The following PRIM2 variants were observed in gnomAD, a reference collection of about 807,000 sequenced individuals.
PRIM2 encodes the protein DNA primase large subunit.
Under a neutral mutation model 67.3 loss-of-function variants are expected in PRIM2, and 39 were observed. The observed-to-expected ratio is 0.58, with a 90% confidence interval of 0.45 to 0.76. The LOEUF is 0.76. Ranked by LOEUF, PRIM2 falls within the 30% of genes least tolerant of loss-of-function variation. The pLI is 0.00. For synonymous variants in PRIM2, 143 were observed against 198.7 expected, an observed-to-expected ratio of 0.72 and a Z score of 2.36; for missense variants, 398 against 598.7, an observed-to-expected ratio of 0.66 and a Z score of 3.50.
At chr6:57,269,723 G>A in the PRIM2 span, among the ~76,000 whole-genome samples, 1 of 152,068 alleles carries the variant, frequency 6.6e-6, no homozygotes, top group African/African-American at 2.4e-5. Flanking sequence ...TGTCCTGAAT[G>A]GTATTGCCTA....
chr6:57,436,236 A>G (rs889121449), intron 7 of PRIM2, among the ~76,000 whole-genome samples: 1 of 152,158 alleles, frequency 6.6e-6, no homozygotes, highest in Non-Finnish European at 1.5e-5. Context: ...ATTTTTAAAA[A>G]CCACTGGGAC....
chr6:57,247,178 T>A, the PRIM2 span, among the ~76,000 whole-genome samples: 1 of 152,184 alleles, frequency 6.6e-6, no homozygotes, highest in African/African-American at 2.4e-5. Flanking sequence ...CTTGATTGCC[T>A]GCACCTAGAG....
At chr6:57,281,143 C>T in the PRIM2 span, among the ~76,000 whole-genome samples, 2 of 152,120 alleles carry the variant, frequency 1.3e-5, no homozygotes, top group African/African-American at 4.8e-5. Flanking sequence ...GATTTCATTC[C>T]TTTCTGTGAC....
At chr6:57,401,539 C>T (rs1427465722) in intron 7 of PRIM2, among the ~76,000 whole-genome samples, 1 of 152,172 alleles carries the variant, frequency 6.6e-6, no homozygotes. Context: ...GTCCTCTCCC[C>T]TTTGAGTGCT....
chr6:57,437,750 C>T (rs7757264), intron 7 of PRIM2, among the ~76,000 whole-genome samples: 2 of 150,208 alleles, frequency 1.3e-5, no homozygotes, highest in East Asian at 2.0e-4. Flanking sequence ...ACTGCAGCCT[C>T]GAACTCCTGG....
intron 7 of PRIM2, among the ~76,000 whole-genome samples, chr6:57,467,339 C>T (rs1264651053): frequency 6.6e-6 from 1 of 151,854 alleles, no homozygotes; most frequent in Non-Finnish European, 1.5e-5. Flanking sequence ...CAGTTTTCTG[C>T]ATATGGCTGG....
In PRIM2 at chr6:57,646,059, C is replaced by T; in HGVS notation, c.1431C>T (p.Val477=). The change falls in exon 14 of 14, where the codon GTC becomes GTT. Residue 477 remains valine, a synonymous_variant. Transcript: ENST00000615550. ...QPETPQPKPS[V]QKTKDASSAL... ...AAACTCCTCAACCCAAACCAAGTGT[C>T]CAGAAAACCAAGGATGCATCATCTG... is the stretch of plus-strand genomic sequence containing the variant. 4.4e-6 allele frequency: 7 copies of T among 1,603,378 alleles called. No individual in the cohort carries two copies. Among genetic ancestry groups the T allele is most frequent in the Non-Finnish European group, 6.0e-6 (7 of 1,170,296 alleles).
At chr6:57,488,715 C>A (rs1470185842) in intron 7 of PRIM2, among the ~76,000 whole-genome samples, 2 of 152,308 alleles carry the variant, frequency 1.3e-5, no homozygotes, top group African/African-American at 2.4e-5. Context: ...ACACGACTCA[C>A]ACAGGCTGTG....
intron 5 of PRIM2, among the ~76,000 whole-genome samples, chr6:57,374,303 A>ATTTATTTATTTATTT (rs1554331462): frequency 6.0e-4 from 84 of 139,866 alleles, no homozygotes; most frequent in African/African-American, 2.1e-3. Context: ...TTATTTATTT[A>ATTTATTTATTTATTT]TTTTTTTTGA....
At chr6:57,550,882 G>T (rs1404162020) in intron 10 of PRIM2, among the ~76,000 whole-genome samples, 3,294 of 152,186 alleles carry the variant, frequency 0.022, 53 homozygotes, top group Non-Finnish European at 0.036. Flanking sequence ...TCCAAAATGG[G>T]TCAGACTTCT....
chr6:57,365,869 G>T (rs77999225), intron 5 of PRIM2, among the ~76,000 whole-genome samples: 3 of 151,480 alleles, frequency 2.0e-5, no homozygotes, highest in Non-Finnish European at 4.4e-5. Context: ...GGGAGGCTGA[G>T]GCAGGAGAAT....
At chr6:57,283,528 T>C in the PRIM2 span, among the ~76,000 whole-genome samples, 1 of 152,208 alleles carries the variant, frequency 6.6e-6, no homozygotes, top group African/African-American at 2.4e-5. Flanking sequence ...AAGATTAATA[T>C]AGCGTTAAGT....
chr6:57,364,661 T>C (rs1581830724), intron 5 of PRIM2, among the ~76,000 whole-genome samples: 2 of 152,202 alleles, frequency 1.3e-5, no homozygotes, highest in African/African-American at 2.4e-5. Flanking sequence ...CAGTTTAATA[T>C]AGGGAGGGCC....
chr6:57,340,010 G>GA (rs1364623202), intron 5 of PRIM2, among the ~76,000 whole-genome samples: 13 of 132,746 alleles, frequency 9.8e-5, no homozygotes, highest in East Asian at 4.3e-4. Flanking sequence ...AAATTTATGA[G>GA]GAAAAAAAAA....
chr6:57,341,123 T>C (rs964314550), intron 5 of PRIM2, among the ~76,000 whole-genome samples: 3 of 152,200 alleles, frequency 2.0e-5, no homozygotes, highest in African/African-American at 4.8e-5. Context: ...TTAATATCCG[T>C]ATGTATACAT....
chr6:57,598,193 C>T (rs1417481743), intron 10 of PRIM2, among the ~76,000 whole-genome samples: 2 of 152,224 alleles, frequency 1.3e-5, no homozygotes, highest in African/African-American at 4.8e-5. Context: ...CAGCCACTCA[C>T]AGCTTCTGAT....
At chr6:57,608,439 A>G in intron 12 of PRIM2, among the ~76,000 whole-genome samples, 1 of 152,320 alleles carries the variant, frequency 6.6e-6, no homozygotes, top group Non-Finnish European at 1.5e-5. Context: ...TTTTCAAAAA[A>G]AATGTGTCAG....
At chr6:57,489,085 A>C (rs1231098276) in intron 7 of PRIM2, among the ~76,000 whole-genome samples, 2 of 152,250 alleles carry the variant, frequency 1.3e-5, no homozygotes. Flanking sequence ...AAGGGGCCAC[A>C]GGCTGCACAT....
chr6:57,425,958 T>C (rs1433026385), intron 7 of PRIM2, among the ~76,000 whole-genome samples: 7 of 152,210 alleles, frequency 4.6e-5, no homozygotes, highest in Non-Finnish European at 1.0e-4. Flanking sequence ...AGAAGCATTA[T>C]CAATTTCTAT....
Sources: allele counts gnomAD v4.1 joint callset (sites outside exome capture counted in the v4.1 genomes callset), GRCh38; gene constraint gnomAD v4.1.1; transcripts MANE v1.5; gene names NCBI Gene and HGNC (gene_info 2026-07-23, HGNC 2026-07-21).